KCND3: variants seen among roughly 807,000 people sequenced by gnomAD.
The protein encoded by KCND3 is A-type voltage-gated potassium channel KCND3.
Under a neutral mutation model 51.1 loss-of-function variants are expected in KCND3, and 9 were observed. The observed-to-expected ratio is 0.18, with a 90% confidence interval of 0.11 to 0.31. The LOEUF (loss-of-function observed/expected upper bound fraction) is 0.31, where lower values mean the gene tolerates loss of function less well. Ranked by LOEUF, KCND3 falls within the 10% of genes least tolerant of loss-of-function variation. The pLI, the probability that KCND3 is intolerant of heterozygous loss-of-function variation, is 1.00. For synonymous variants in KCND3, 349 were observed against 368.0 expected (o/e 0.95, Z 0.59); for missense variants, 526 against 903.8 (o/e 0.58, Z 5.36).
chr1:111,945,470 A>G (rs1672735420), intron 2 of KCND3, among the ~76,000 whole-genome samples: 1 of 152,130 alleles, frequency 6.6e-6, no homozygotes, highest in African/African-American at 2.4e-5. Flanking sequence ...GCCTACCCCC[A>G]TTAACCCTCA....
At position 111,780,173 on chromosome 1, in the gene KCND3, A is replaced by C. The variant is rs1664308191; in HGVS notation, c.1461+52T>G. The C allele has an allele frequency of 1.3e-6, 2 of 1,501,960 alleles. No individual in the cohort carries two copies. The highest frequency in any genetic ancestry group is 3.9e-5 in the Admixed American group (2 of 51,054). 93.0% of individuals were successfully genotyped at this position (1,501,960 alleles called of 1,614,324 possible). ...AGTGAAGATGTGAGTACAGCCTTAGAAAAGGGTCAGGGTCAGCGATGAAAA... is the reference window on the plus strand; with the variant it reads ...AGTGAAGATGTGAGTACAGCCTTAGCAAAGGGTCAGGGTCAGCGATGAAAA... On this transcript the variant is annotated intron_variant, in intron 5 of 7. Coordinates refer to ENST00000302127, the MANE Select transcript of KCND3 (RefSeq NM_001378969.1). The surrounding 1 kb of genome is among the most constrained non-coding windows in gnomAD (Gnocchi z 4.2).
At chr1:111,828,754 T>G (rs1666695595) in intron 2 of KCND3, among the ~76,000 whole-genome samples, 1 of 152,216 alleles carries the variant, frequency 6.6e-6, no homozygotes, top group African/African-American at 2.4e-5. Context: ...TGCTTTGCTC[T>G]TTGCTGTTGC....
chr1:111,854,966 A>C (rs1415350127), intron 2 of KCND3, among the ~76,000 whole-genome samples: 1 of 152,088 alleles, frequency 6.6e-6, no homozygotes, highest in East Asian at 1.9e-4. Context: ...GACCTTCTAC[A>C]TCCCCGGCAT....
At chr1:111,900,650 T>G (rs1438312230) in intron 2 of KCND3, among the ~76,000 whole-genome samples, 4 of 148,394 alleles carry the variant, frequency 2.7e-5, no homozygotes, top group Admixed American at 7.0e-5. Flanking sequence ...AAACAGTGAA[T>G]GCTAAAAAAA....
At chr1:111,957,903 T>G (rs971264309) in intron 2 of KCND3, among the ~76,000 whole-genome samples, 2 of 152,108 alleles carry the variant, frequency 1.3e-5, no homozygotes, top group Admixed American at 1.3e-4. Flanking sequence ...ACAAAATAAG[T>G]TTGTTAAACT....
chr1:111,837,574 C>T (rs1399300783), intron 2 of KCND3, among the ~76,000 whole-genome samples: 8 of 152,128 alleles, frequency 5.3e-5, no homozygotes, highest in Non-Finnish European at 2.9e-5. Context: ...AGTTTTGGCT[C>T]AGAGTTGAGA....
At chr1:111,807,519 T>C (rs1174669913) in intron 2 of KCND3, among the ~76,000 whole-genome samples, 2 of 151,960 alleles carry the variant, frequency 1.3e-5, no homozygotes, top group African/African-American at 4.8e-5. Flanking sequence ...CTACAAAAAA[T>C]ACAAAAAATA....
At chr1:111,879,605 G>A (rs1482041503) in intron 2 of KCND3, among the ~76,000 whole-genome samples, 1 of 152,200 alleles carries the variant, frequency 6.6e-6, no homozygotes, top group Non-Finnish European at 1.5e-5. Context: ...AGAGTCTGGG[G>A]AAAAACAATG....
At chr1:111,827,037 T>C (rs926698883) in intron 2 of KCND3, among the ~76,000 whole-genome samples, 8 of 152,238 alleles carry the variant, frequency 5.3e-5, no homozygotes, top group African/African-American at 1.7e-4. Context: ...TTGTGCATCA[T>C]GTCAGCAATC....
Position 111,772,245 on chromosome 1 carries a change from A to G in KCND3, c.*3832T>C, listed in dbSNP as rs2101439314. On this transcript the variant is annotated 3_prime_UTR_variant, in exon 8 of 8. Transcript: ENST00000302127. ...GTATGCTTCAAAATGTCACTGTCCT[A>G]GTCTTCTCTTCATTGAGAAGAGAAA... The G allele has an allele frequency of 6.6e-6, 1 of 152,146 alleles. No homozygotes were observed. The highest frequency in any genetic ancestry group is 3.4e-3 in the Middle Eastern group (1 of 294). The allele number at this position is 152,146 out of a possible 1,614,324, so 9.4% of individuals were successfully genotyped here.
intron 2 of KCND3, among the ~76,000 whole-genome samples, chr1:111,865,496 T>C (rs2101700006): frequency 6.6e-6 from 1 of 152,306 alleles, no homozygotes; most frequent in South Asian, 2.1e-4. Context: ...CACCAGAATA[T>C]GGCCCGTATG....
chr1:111,853,158 A>C (rs1210653086), intron 2 of KCND3, among the ~76,000 whole-genome samples: 1 of 152,238 alleles, frequency 6.6e-6, no homozygotes, highest in African/African-American at 2.4e-5. Context: ...CTGTGCAGAC[A>C]GGGTGAGCCC....
At chr1:111,796,350 A>G (rs932524306) in intron 2 of KCND3, among the ~76,000 whole-genome samples, 5 of 152,186 alleles carry the variant, frequency 3.3e-5, no homozygotes, top group Non-Finnish European at 5.9e-5. Context: ...CACTATTCAC[A>G]ATAGCAAAGA....
At chr1:111,824,095 A>G (rs920269526) in intron 2 of KCND3, among the ~76,000 whole-genome samples, 4 of 149,146 alleles carry the variant, frequency 2.7e-5, no homozygotes, top group African/African-American at 7.3e-5. Context: ...TGCTAATAGC[A>G]TGATCCCATG....
rs189920779 is a variant in KCND3, at chr1:111,944,033, G to T, written c.1106+37588C>A. Among the ~76,000 whole-genome samples, 521 of 152,312 alleles carry T rather than the reference G, an allele frequency of 3.4e-3. 3 individuals carry two copies. The highest frequency in any genetic ancestry group is 5.2e-3 in the South Asian group (25 of 4,824). The stretch of plus-strand genomic sequence containing the variant: ...TCTGTCAGGAAAGCATAAAGACAGC[G>T]CCCTCATCCATCTTCTTGACAACTA... On this transcript the variant is annotated intron_variant, in intron 2 of 7. Transcript: ENST00000302127.
At chr1:111,900,083 G>A (rs1429805364) in intron 2 of KCND3, among the ~76,000 whole-genome samples, 4 of 152,136 alleles carry the variant, frequency 2.6e-5, no homozygotes, top group Non-Finnish European at 5.9e-5. Flanking sequence ...TGTAAGCATG[G>A]TGCTGGGGGA....
At chr1:111,870,092 T>A (rs890040540) in intron 2 of KCND3, among the ~76,000 whole-genome samples, 2 of 152,354 alleles carry the variant, frequency 1.3e-5, no homozygotes, top group African/African-American at 4.8e-5. Context: ...GCTTGTATCA[T>A]TTAAGCCTCA....
intron 2 of KCND3, among the ~76,000 whole-genome samples, chr1:111,850,654 T>A (rs1571738352): frequency 6.6e-6 from 1 of 152,172 alleles, no homozygotes; most frequent in Non-Finnish European, 1.5e-5. Context: ...ACATGGCTGG[T>A]CCGGCCACTG....
At chr1:111,925,718 T>C (rs1671666446) in intron 2 of KCND3, among the ~76,000 whole-genome samples, 1 of 152,178 alleles carries the variant, frequency 6.6e-6, no homozygotes, top group Admixed American at 6.5e-5. Context: ...GTCCAGTGTT[T>C]GTGACAAGAG....
Sources: allele counts gnomAD v4.1 joint callset (sites outside exome capture counted in the v4.1 genomes callset), GRCh38; gene constraint gnomAD v4.1.1; non-coding constraint Gnocchi (gnomAD v3.1); transcripts MANE v1.5; gene names NCBI Gene and HGNC (gene_info 2026-07-23, HGNC 2026-07-21).